ZNF609: variants seen among roughly 807,000 people sequenced by gnomAD.
ZNF609 encodes zinc finger protein 609.
ZNF609 carries 11 observed loss-of-function variants against 109.5 expected under a neutral mutation model. The observed-to-expected ratio is 0.10, with a 90% CI of 0.06 to 0.17. The LOEUF (loss-of-function observed/expected upper bound fraction) is 0.17. Among genes scored for constraint, ZNF609 ranks in the 10% least tolerant of loss-of-function variants. ZNF609 has a pLI of 1.00. For synonymous variants in ZNF609, 646 were observed against 662.0 expected (o/e 0.98, Z 0.37); for missense variants, 1,559 against 1,772.4 (o/e 0.88, Z 2.16).
At chr15:64,559,221 A>G (rs923030028) in intron 2 of ZNF609, among the ~76,000 whole-genome samples, 3 of 152,228 alleles carry the variant, frequency 2.0e-5, no homozygotes, top group African/African-American at 7.2e-5. Flanking sequence ...TGCAACTTCT[A>G]TTTAGAAAGA....
chr15:64,580,137 G>C (rs982412079), intron 2 of ZNF609, among the ~76,000 whole-genome samples: 1 of 152,146 alleles, frequency 6.6e-6, no homozygotes, highest in African/African-American at 2.4e-5. Context: ...TTTAAAAATG[G>C]TATACTACTT....
intron 1 of ZNF609, among the ~76,000 whole-genome samples, chr15:64,485,795 T>C (rs1893323997): frequency 6.6e-6 from 1 of 152,136 alleles, no homozygotes; most frequent in Non-Finnish European, 1.5e-5. Flanking sequence ...CAAGACTGTC[T>C]CAAAAAATAG....
At chr15:64,571,090 T>C (rs1894852967) in intron 2 of ZNF609, among the ~76,000 whole-genome samples, 1 of 152,180 alleles carries the variant, frequency 6.6e-6, no homozygotes, top group South Asian at 2.1e-4. Flanking sequence ...TAAAAGTCCA[T>C]GCTGATGCTA....
At chr15:64,583,222 G>A (rs535294827) in intron 2 of ZNF609, among the ~76,000 whole-genome samples, 88 of 151,950 alleles carry the variant, frequency 5.8e-4, no homozygotes, top group East Asian at 2.1e-3. Flanking sequence ...TAGTAGAGAC[G>A]GGGTTTCATC....
chr15:64,530,217 T>G (rs183123669), intron 2 of ZNF609, among the ~76,000 whole-genome samples: 49 of 152,262 alleles, frequency 3.2e-4, no homozygotes, highest in Admixed American at 1.3e-3. Context: ...GGTTTCATCA[T>G]GTTGGCCAGG....
chr15:64,501,429 A>G (rs368921154), intron 2 of ZNF609: 1 of 152,214 alleles, frequency 6.6e-6, no homozygotes, highest in Non-Finnish European at 1.5e-5. Context: ...CTAATAATAC[A>G]GTGGCTCATT....
intron 2 of ZNF609, among the ~76,000 whole-genome samples, chr15:64,595,606 C>T (rs1461250518): frequency 3.3e-5 from 5 of 152,120 alleles, no homozygotes; most frequent in African/African-American, 1.2e-4. Flanking sequence ...TCTAGCTGAA[C>T]AAGCCCTAAT....
chr15:64,538,920 G>C (rs1446636821), intron 2 of ZNF609, among the ~76,000 whole-genome samples: 1 of 151,672 alleles, frequency 6.6e-6, no homozygotes. Flanking sequence ...CTGCAGCCTG[G>C]AATTCCTGGG....
At chr15:64,539,384 T>C (rs903549366) in intron 2 of ZNF609, among the ~76,000 whole-genome samples, 1 of 151,838 alleles carries the variant, frequency 6.6e-6, no homozygotes, top group African/African-American at 2.4e-5. Context: ...ATTTTTTGTA[T>C]TTTTAGTAGA....
chr15:64,567,053 TA>T (rs1314822936), intron 2 of ZNF609, among the ~76,000 whole-genome samples: 1 of 152,200 alleles, frequency 6.6e-6, no homozygotes, highest in African/African-American at 2.4e-5. Flanking sequence ...TAGGCAGTTA[TA>T]AGGAAATAGC....
intron 2 of ZNF609, among the ~76,000 whole-genome samples, chr15:64,604,518 G>A (rs55667366): frequency 0.02 from 3,035 of 152,274 alleles, 106 homozygotes; most frequent in African/African-American, 0.069. Context: ...CTAGGATAGA[G>A]GTGGTATACC....
intron 1 of ZNF609, among the ~76,000 whole-genome samples, chr15:64,488,830 T>A (rs550658476): frequency 4.6e-5 from 7 of 151,860 alleles, no homozygotes; most frequent in African/African-American, 1.7e-4. Context: ...TCCAGCACTT[T>A]GGGAGGCCAA....
chr15:64,547,641 C>T (rs1301861774), intron 2 of ZNF609, among the ~76,000 whole-genome samples: 3 of 151,852 alleles, frequency 2.0e-5, no homozygotes, highest in African/African-American at 4.8e-5. Context: ...TTTGTAAAGC[C>T]ACTTACCACT....
intron 2 of ZNF609, among the ~76,000 whole-genome samples, chr15:64,549,643 G>A (rs1158152729): frequency 6.6e-6 from 1 of 152,154 alleles, no homozygotes; most frequent in Non-Finnish European, 1.5e-5. Context: ...AGGTAATCTG[G>A]CTTCAGAGTC....
At chr15:64,550,393 A>G in intron 2 of ZNF609, among the ~76,000 whole-genome samples, 1 of 152,138 alleles carries the variant, frequency 6.6e-6, no homozygotes, top group East Asian at 1.9e-4. Context: ...TTAATCTCTT[A>G]TTAGATGTAT....
intron 2 of ZNF609, among the ~76,000 whole-genome samples, chr15:64,611,911 A>AT (rs1443766758): frequency 1.4e-5 from 2 of 147,998 alleles, no homozygotes; most frequent in Non-Finnish European, 3.0e-5. Flanking sequence ...TTTTTTTTGT[A>AT]TTTTTTGTAG....
At chr15:64,531,731 G>A (rs1471861003) in intron 2 of ZNF609, among the ~76,000 whole-genome samples, 1 of 151,970 alleles carries the variant, frequency 6.6e-6, no homozygotes, top group African/African-American at 2.4e-5. Context: ...CTTGGAAAAC[G>A]CAATGTTGTG....
intron 3 of ZNF609, among the ~76,000 whole-genome samples, chr15:64,669,640 C>T (rs74438026): frequency 1.9e-4 from 29 of 152,152 alleles, no homozygotes; most frequent in African/African-American, 7.0e-4. Context: ...AGTAAGGCTA[C>T]ATTACCTAGT....
At chr15:64,645,762 C>G (rs1896326138) in intron 3 of ZNF609, among the ~76,000 whole-genome samples, 1 of 151,850 alleles carries the variant, frequency 6.6e-6, no homozygotes, top group African/African-American at 2.4e-5. Flanking sequence ...TCTAAATGAC[C>G]AATAATCACA....
Sources: allele counts gnomAD v4.1 joint callset (sites outside exome capture counted in the v4.1 genomes callset), GRCh38; gene constraint gnomAD v4.1.1; transcripts MANE v1.5; gene names NCBI Gene and HGNC (gene_info 2026-07-23, HGNC 2026-07-21).